Variants in MEGF10 observed in about 807,000 individuals in gnomAD.
The protein encoded by MEGF10 is multiple epidermal growth factor-like domains protein 10.
Under a neutral mutation model 147.5 loss-of-function variants are expected in MEGF10, and 86 were observed. The observed-to-expected ratio is 0.58, with a 90% CI of 0.49 to 0.70. The LOEUF is 0.70. Ranked by LOEUF, MEGF10 falls within the 30% of genes least tolerant of loss-of-function variation. The pLI, the probability that MEGF10 is intolerant of heterozygous loss-of-function variation, is 0.00. For synonymous variants in MEGF10, 478 were observed against 525.5 expected (o/e 0.91, Z 1.24); for missense variants, 1,329 against 1,487.3 (o/e 0.89, Z 1.75).
chr5:127,435,509 A>C lies in MEGF10; in HGVS notation c.2104+20A>C, dbSNP rs528070018. 1.5e-4 allele frequency: 234 copies of C among 1,607,688 alleles called. 2 individuals are homozygous for C. In the South Asian group the frequency reaches 2.4e-3, roughly 17 times the overall value. On this transcript the variant is annotated intron_variant, in intron 16 of 24. Transcript: ENST00000503335. ...CTCAACGTAAGTCTTGTTTGAGAAC[A>C]ATTAATAAACTGTTCTTATTTGTTT...
chr5:127,275,990 C>T, the MEGF10 span, among the ~76,000 whole-genome samples: 1 of 152,200 alleles, frequency 6.6e-6, no homozygotes, highest in Admixed American at 6.5e-5. Flanking sequence ...ACTGATGGGT[C>T]AGCCAGCCCA....
At chr5:127,346,046 G>A (rs1394758604) in intron 4 of MEGF10, among the ~76,000 whole-genome samples, 1 of 152,096 alleles carries the variant, frequency 6.6e-6, no homozygotes, top group Admixed American at 6.6e-5. Context: ...TTATGGATGA[G>A]TAGCATTCCA....
intron 4 of MEGF10, among the ~76,000 whole-genome samples, chr5:127,359,405 C>G (rs1407147796): frequency 6.6e-6 from 1 of 151,874 alleles, no homozygotes; most frequent in East Asian, 1.9e-4. Flanking sequence ...CAATAAGCTG[C>G]ACATTTTAAA....
intron 4 of MEGF10, among the ~76,000 whole-genome samples, chr5:127,349,380 A>G (rs1432519759): frequency 2.0e-5 from 3 of 152,128 alleles, no homozygotes; most frequent in African/African-American, 7.2e-5. Flanking sequence ...TTACCATTTT[A>G]ACTATTTTTA....
At chr5:127,341,510 C>G (rs1037980544) in intron 4 of MEGF10, among the ~76,000 whole-genome samples, 2 of 152,070 alleles carry the variant, frequency 1.3e-5, no homozygotes, top group African/African-American at 4.8e-5. Flanking sequence ...GCTGGGTGGC[C>G]TCAGATAAAC....
chr5:127,242,091 T>C, the MEGF10 span, among the ~76,000 whole-genome samples: 1 of 152,104 alleles, frequency 6.6e-6, no homozygotes, highest in East Asian at 1.9e-4. Flanking sequence ...ATGAAATCAG[T>C]GAATGAATGT....
At chr5:127,302,592 G>A (rs1333030779) in intron 1 of MEGF10, among the ~76,000 whole-genome samples, 1 of 152,136 alleles carries the variant, frequency 6.6e-6, no homozygotes, top group Non-Finnish European at 1.5e-5. Flanking sequence ...TGAATGTTTG[G>A]TTATGCAAAT....
intron 22 of MEGF10, among the ~76,000 whole-genome samples, chr5:127,452,243 C>T (rs1265478819): frequency 6.6e-6 from 1 of 152,198 alleles, no homozygotes; most frequent in African/African-American, 2.4e-5. Flanking sequence ...TGCTGGTTCT[C>T]TCTTTCACAC....
the MEGF10 span, among the ~76,000 whole-genome samples, chr5:127,253,270 A>G: frequency 6.6e-6 from 1 of 152,014 alleles, no homozygotes; most frequent in African/African-American, 2.4e-5. Context: ...CAAATATGAT[A>G]AAGTATGAAG....
At chr5:127,387,672 AC>A (rs1763483839) in intron 5 of MEGF10, among the ~76,000 whole-genome samples, 1 of 152,232 alleles carries the variant, frequency 6.6e-6, no homozygotes, top group Admixed American at 6.5e-5. Flanking sequence ...TGCCACTCAA[AC>A]GCCAAGTGGC....
intron 1 of MEGF10, among the ~76,000 whole-genome samples, chr5:127,293,207 C>T (rs1235312771): frequency 6.6e-6 from 1 of 152,180 alleles, no homozygotes; most frequent in East Asian, 1.9e-4. Flanking sequence ...TTTTTGAACC[C>T]CCACTTTTCT....
chr5:127,302,889 G>C lies in MEGF10; in HGVS notation c.-19+11833G>C, dbSNP rs371699107. Reference sequence around the variant, plus strand: ...TGACCAGAGAAGGCTTCTTGGAAGAGATGGGACATTGAAAGATTTGTGAGC... The same window carrying C: ...TGACCAGAGAAGGCTTCTTGGAAGACATGGGACATTGAAAGATTTGTGAGC... On this transcript the variant is annotated intron_variant, in intron 1 of 24. Transcript: ENST00000503335. Among the ~76,000 whole-genome samples, 11 of 152,344 alleles carry C rather than the reference G, an allele frequency of 7.2e-5. 1 individual carries two copies. Among genetic ancestry groups the C allele is most frequent in the African/African-American group, 2.6e-4 (11 of 41,594 alleles).
At chr5:127,412,779 C>A (rs769480326) in intron 9 of MEGF10, among the ~76,000 whole-genome samples, 2 of 152,198 alleles carry the variant, frequency 1.3e-5, no homozygotes, top group Non-Finnish European at 2.9e-5. Context: ...ACTATGTGGG[C>A]TAGGCTCAAC....
intron 2 of MEGF10, among the ~76,000 whole-genome samples, chr5:127,338,513 T>C (rs1296698366): frequency 1.3e-5 from 2 of 152,146 alleles, no homozygotes; most frequent in African/African-American, 2.4e-5. Flanking sequence ...GTTGGTATGA[T>C]TATTTTAGGC....
the MEGF10 span, among the ~76,000 whole-genome samples, chr5:127,241,206 A>G: frequency 6.6e-6 from 1 of 152,348 alleles, no homozygotes; most frequent in East Asian, 1.9e-4. Flanking sequence ...CAAGTGACAT[A>G]TAACCAAACT....
chr5:127,302,720 G>T (rs930266675), intron 1 of MEGF10, among the ~76,000 whole-genome samples: 5 of 152,192 alleles, frequency 3.3e-5, no homozygotes, highest in Non-Finnish European at 5.9e-5. Context: ...GCAAGCCTTT[G>T]TTGCATACTG....
chr5:127,247,314 G>C, the MEGF10 span, among the ~76,000 whole-genome samples: 1 of 49,372 alleles, frequency 2.0e-5, no homozygotes, highest in African/African-American at 5.9e-5. Flanking sequence ...GCGAGAGAAA[G>C]AGAGAGAAGA....
chr5:127,457,689 C>T lies in MEGF10; in HGVS notation c.*371C>T, dbSNP rs185288474. 8.5e-6 allele frequency: 2 copies of T among 233,996 alleles called. No individual in the cohort carries two copies. The highest frequency in any genetic ancestry group is 1.7e-5 in the Non-Finnish European group (2 of 118,302). 14.5% of individuals were successfully genotyped at this position (233,996 alleles called of 1,614,324 possible). A position where few individuals can be genotyped will look rare whatever the true frequency, so the allele number is the denominator to read the frequency against. On this transcript the variant is annotated 3_prime_UTR_variant, in exon 25 of 25. Coordinates refer to ENST00000503335, the MANE Select transcript of MEGF10 (RefSeq NM_001256545.2). ...ATTTGAATATTTTCTCTCTCATTTG[C>T]ATCATACAGCTCTACCTAGGATTGT...
At chr5:127,351,015 T>G (rs1580748411) in intron 4 of MEGF10, among the ~76,000 whole-genome samples, 2 of 146,236 alleles carry the variant, frequency 1.4e-5, no homozygotes, top group African/African-American at 2.6e-5. Flanking sequence ...GGGGGTGGGG[T>G]AGGGGGAAAA....
Sources: gnomAD v4.1 joint callset for allele counts (sites outside exome capture counted in the v4.1 genomes callset) on GRCh38, gnomAD v4.1.1 for gene constraint, MANE v1.5 for transcripts, NCBI Gene and HGNC (gene_info 2026-07-23, HGNC 2026-07-21) for gene names.